AUTS2: variants seen among roughly 807,000 people sequenced by gnomAD.
AUTS2 encodes autism susceptibility gene 2 protein.
In AUTS2, 17 loss-of-function variants were observed where a neutral mutation model predicts 112.4. That is an observed-to-expected ratio of 0.15 (90% confidence interval 0.10 to 0.23). The LOEUF is 0.23. AUTS2 is among the 10% of genes least tolerant of loss of function. The probability of loss-of-function intolerance (pLI) is 1.00; values close to 1 mark genes in which losing one functional copy is unlikely to be tolerated. For missense variants in AUTS2, 1,510 were observed against 1,701.6 expected (o/e 0.89, Z 1.98); for synonymous variants, 751 against 702.7 (o/e 1.07, Z -1.09).
chr7:70,040,792 A>T (rs1371178174), intron 2 of AUTS2, among the ~76,000 whole-genome samples: 1 of 152,236 alleles, frequency 6.6e-6, no homozygotes, highest in Admixed American at 6.5e-5. Context: ...TCCTGAAGCC[A>T]CTGCAGGTTA....
intron 2 of AUTS2, among the ~76,000 whole-genome samples, chr7:69,908,556 C>G (rs1261882165): frequency 6.6e-6 from 1 of 152,124 alleles, no homozygotes; most frequent in Non-Finnish European, 1.5e-5. Context: ...TCTCAGGAGG[C>G]CTGATGAGCT....
intron 2 of AUTS2, among the ~76,000 whole-genome samples, chr7:69,911,843 G>A (rs867641767): frequency 2.0e-5 from 3 of 152,120 alleles, no homozygotes; most frequent in Admixed American, 6.5e-5. Flanking sequence ...CACTCTGGGC[G>A]GCAGACTCCA....
intron 2 of AUTS2, among the ~76,000 whole-genome samples, chr7:70,109,624 G>C (rs542426181): frequency 3.3e-5 from 5 of 152,248 alleles, no homozygotes; most frequent in South Asian, 2.1e-4. Flanking sequence ...GGCTTACTAC[G>C]ATAAAGGGTT....
intron 4 of AUTS2, among the ~76,000 whole-genome samples, chr7:70,193,817 C>A (rs889615347): frequency 1.3e-5 from 2 of 152,192 alleles, no homozygotes; most frequent in Non-Finnish European, 2.9e-5. Context: ...TTCGTGTAAC[C>A]TACTGTCAGT....
chr7:70,713,670 G>A (rs560526334), intron 6 of AUTS2, among the ~76,000 whole-genome samples: 128 of 151,824 alleles, frequency 8.4e-4, no homozygotes, highest in Non-Finnish European at 1.4e-3. Flanking sequence ...CGAGGCAGGC[G>A]GATCACGAGG....
At position 70,507,614 on chromosome 7, in the gene AUTS2, T is replaced by C. The variant is rs192456455; in HGVS notation, c.690+71833T>C. On this transcript the variant is annotated intron_variant, in intron 5 of 18. Coordinates refer to ENST00000342771, the MANE Select transcript of AUTS2 (RefSeq NM_015570.4). ...GAGTTCAAGACCAGCCTGACCAACATGGTGAAACCCTGTCTCTACTAAAAA... is the reference window on the plus strand; with the variant it reads ...GAGTTCAAGACCAGCCTGACCAACACGGTGAAACCCTGTCTCTACTAAAAA... Among the ~76,000 whole-genome samples the C allele has an allele frequency of 9.6e-3, 1,464 of 152,032 alleles. 17 individuals are homozygous for C. Among genetic ancestry groups the C allele is most frequent in the African/African-American group, 0.034 (1,402 of 41,444 alleles).
chr7:70,124,904 G>A (rs1476478063), intron 3 of AUTS2, among the ~76,000 whole-genome samples: 1 of 152,186 alleles, frequency 6.6e-6, no homozygotes, highest in Non-Finnish European at 1.5e-5. Flanking sequence ...TGAAAAGGTA[G>A]AGTCAAAGAT....
chr7:70,429,850 G>T (rs1430004343), intron 4 of AUTS2, among the ~76,000 whole-genome samples: 1 of 152,122 alleles, frequency 6.6e-6, no homozygotes, highest in African/African-American at 2.4e-5. Context: ...AAAACAAATG[G>T]CTCTTCACCA....
chr7:70,123,000 T>C (rs1805767884), intron 3 of AUTS2, among the ~76,000 whole-genome samples: 1 of 151,160 alleles, frequency 6.6e-6, no homozygotes, highest in Non-Finnish European at 1.5e-5. Context: ...CTCAGCCTCC[T>C]GAGTAGCTGG....
At chr7:69,706,793 C>T (rs1023121728) in intron 1 of AUTS2, among the ~76,000 whole-genome samples, 11 of 152,096 alleles carry the variant, frequency 7.2e-5, no homozygotes, top group Non-Finnish European at 1.2e-4. Context: ...TGAACTGAGC[C>T]GCTGTCCTTT....
At chr7:69,997,136 T>A (rs1267208752) in intron 2 of AUTS2, among the ~76,000 whole-genome samples, 5 of 152,220 alleles carry the variant, frequency 3.3e-5, no homozygotes, top group African/African-American at 7.2e-5. Context: ...TTAAGTGAGC[T>A]GGCTTAATTT....
chr7:69,623,867 C>G (rs1036164814), intron 1 of AUTS2, among the ~76,000 whole-genome samples: 1 of 152,072 alleles, frequency 6.6e-6, no homozygotes, highest in African/African-American at 2.4e-5. Flanking sequence ...TTGCCCCCTC[C>G]CCACAAAAAA....
chr7:70,558,111 A>G (rs1340934771), intron 5 of AUTS2, among the ~76,000 whole-genome samples: 1 of 152,042 alleles, frequency 6.6e-6, no homozygotes, highest in Non-Finnish European at 1.5e-5. Flanking sequence ...AAGCACAGGG[A>G]CACCTCACTG....
rs1372789311 is a variant in AUTS2 at position 70,483,504 on chromosome 7, G to T, written c.690+47723G>T. On this transcript the variant is annotated intron_variant, in intron 5 of 18. Coordinates refer to ENST00000342771, the MANE Select transcript of AUTS2 (RefSeq NM_015570.4). ...TTTGGTCCTGATTTTCGAAGTGAAGGGGAGACAGGACTGAGTGGCATGGTG... is the reference window on the plus strand; with the variant it reads ...TTTGGTCCTGATTTTCGAAGTGAAGTGGAGACAGGACTGAGTGGCATGGTG... Among the ~76,000 whole-genome samples the T allele has an allele frequency of 3.9e-5, 6 of 152,208 alleles. No individual in the cohort carries two copies. The East Asian group carries it at 1.2e-3, about 29-fold the overall frequency.
At chr7:69,841,056 C>T (rs1791957991) in intron 1 of AUTS2, among the ~76,000 whole-genome samples, 1 of 152,178 alleles carries the variant, frequency 6.6e-6, no homozygotes, top group Non-Finnish European at 1.5e-5. Context: ...TTCAACTTAG[C>T]ATCACAGTGG....
At chr7:70,646,911 G>A (rs966665024) in intron 5 of AUTS2, among the ~76,000 whole-genome samples, 2 of 152,220 alleles carry the variant, frequency 1.3e-5, no homozygotes, top group African/African-American at 4.8e-5. Context: ...GCCCATTTTG[G>A]ATGCTGTTCT....
intron 5 of AUTS2, among the ~76,000 whole-genome samples, chr7:70,478,743 G>GTT (rs11402312): frequency 5.6e-4 from 78 of 138,782 alleles, no homozygotes; most frequent in South Asian, 2.1e-3. Context: ...TTCAAGACTT[G>GTT]TTTTTTTTTT....
chr7:70,211,873 C>T (rs1810921999), intron 4 of AUTS2, among the ~76,000 whole-genome samples: 2 of 151,868 alleles, frequency 1.3e-5, no homozygotes, highest in South Asian at 4.2e-4. Context: ...GTAGTCCCAG[C>T]TACTCGGGCG....
At chr7:70,609,789 C>A (rs375770060) in intron 5 of AUTS2, among the ~76,000 whole-genome samples, 1 of 152,102 alleles carries the variant, frequency 6.6e-6, no homozygotes, top group African/African-American at 2.4e-5. Flanking sequence ...ACCACATTTT[C>A]TTTATCTATT....
Sources: allele counts gnomAD v4.1 joint callset (sites outside exome capture counted in the v4.1 genomes callset), GRCh38; gene constraint gnomAD v4.1.1; transcripts MANE v1.5; gene names NCBI Gene and HGNC (gene_info 2026-07-23, HGNC 2026-07-21).